Variants in UVRAG observed in about 807,000 individuals in gnomAD.
The protein encoded by UVRAG is UV radiation resistance associated, also known as UV radiation resistance-associated gene protein.
UVRAG carries 19 observed loss-of-function variants against 78.0 expected under a neutral mutation model. The ratio of observed to expected loss-of-function variants is 0.24; its 90% CI spans 0.17 to 0.36. UVRAG has a LOEUF of 0.36. Among genes scored for constraint, UVRAG ranks in the 10% least tolerant of loss-of-function variants. The probability of loss-of-function intolerance (pLI) is 1.00; values close to 1 mark genes in which losing one functional copy is unlikely to be tolerated. For missense variants in UVRAG, 740 were observed against 853.8 expected, an observed-to-expected ratio of 0.87 and a Z score of 1.66; for synonymous variants, 323 against 324.6, an observed-to-expected ratio of 1.00 and a Z score of 0.05.
intron 2 of UVRAG, among the ~76,000 whole-genome samples, chr11:75,861,247 G>A (rs528487066): frequency 6.6e-6 from 1 of 152,308 alleles, no homozygotes; most frequent in South Asian, 2.1e-4. Context: ...AGTGACAGAG[G>A]TAGAAGTAGG....
At chr11:75,990,898 GAA>G (rs900222892) in intron 8 of UVRAG, among the ~76,000 whole-genome samples, 11 of 152,180 alleles carry the variant, frequency 7.2e-5, no homozygotes, top group African/African-American at 2.7e-4. Context: ...AGTACACATA[GAA>G]TAAATATTTG....
At chr11:76,140,241 T>C (rs944268828) in intron 14 of UVRAG, among the ~76,000 whole-genome samples, 39 of 151,362 alleles carry the variant, frequency 2.6e-4, no homozygotes, top group Non-Finnish European at 3.8e-4. Context: ...ACTGCCTCAC[T>C]GAGCATGGGC....
In UVRAG at chr11:76,075,611, C is replaced by CAA. The variant is rs879475858; in HGVS notation, c.1305+9836_1305+9837dup. Among the ~76,000 whole-genome samples the CAA allele has an allele frequency of 6.5e-3, 875 of 134,124 alleles. 9 individuals are homozygous for CAA. The highest frequency in any genetic ancestry group is 0.023 in the African/African-American group (831 of 36,706). 88.0% of individuals were successfully genotyped at this position (134,124 alleles called of 152,430 possible). A position where few individuals can be genotyped will look rare whatever the true frequency, so the allele number is the denominator to read the frequency against. The stretch of plus-strand genomic sequence containing the variant: ...TAGGCAATAGAACAAGACTGTGTCT[C>CAA]AAAAAAAAAAAAAAGTATATAGTTC... On this transcript the variant is annotated intron_variant, in intron 13 of 14. Transcript: ENST00000356136.
At chr11:75,892,848 G>C (rs1254410117) in intron 5 of UVRAG, among the ~76,000 whole-genome samples, 1 of 152,146 alleles carries the variant, frequency 6.6e-6, no homozygotes, top group Non-Finnish European at 1.5e-5. Flanking sequence ...TCAGCACCAA[G>C]CAAGAAGCAA....
intron 11 of UVRAG, among the ~76,000 whole-genome samples, chr11:76,014,628 A>G (rs947148004): frequency 6.6e-6 from 1 of 152,226 alleles, no homozygotes; most frequent in Non-Finnish European, 1.5e-5. Flanking sequence ...CCACACCTGT[A>G]TAGGTATTCT....
At chr11:75,983,690 G>A in intron 8 of UVRAG, 177 bp downstream of exon 8, 1 of 885,714 alleles carries the variant, frequency 1.1e-6, no homozygotes, top group Non-Finnish European at 1.6e-6. Context: ...TGCCATCATA[G>A]AGTATGTTTA....
At chr11:75,957,646 A>G (rs1948827419) in intron 6 of UVRAG, among the ~76,000 whole-genome samples, 1 of 152,206 alleles carries the variant, frequency 6.6e-6, no homozygotes, top group Non-Finnish European at 1.5e-5. Context: ...CAACTTAACA[A>G]TATAGAATCT....
In UVRAG at chr11:76,003,257, A is replaced by ATTTTTTTTTTTTTT. The variant is rs398045280; in HGVS notation, c.827-730_827-717dup. Among the ~76,000 whole-genome samples, 12 of 53,786 alleles carry ATTTTTTTTTTTTTT rather than the reference A, an allele frequency of 2.2e-4. 2 individuals carry two copies. Among genetic ancestry groups the ATTTTTTTTTTTTTT allele is most frequent in the African/African-American group, 9.3e-4 (12 of 12,898 alleles). 35.3% of individuals were successfully genotyped at this position (53,786 alleles called of 152,430 possible). The stretch of plus-strand genomic sequence containing the variant: ...CACTATGATTTTCACGAAAATACTG[A>ATTTTTTTTTTTTTT]TTTTTTTTTTTTTTTTTTTTTTTTT... On this transcript the variant is annotated intron_variant, in intron 8 of 14. Transcript: ENST00000356136.
intron 12 of UVRAG, among the ~76,000 whole-genome samples, chr11:76,055,529 T>C (rs1265905683): frequency 3.9e-5 from 6 of 152,168 alleles, no homozygotes; most frequent in Non-Finnish European, 5.9e-5. Flanking sequence ...TTATTGTATC[T>C]TTCCATTTAT....
chr11:76,007,654 T>C, intron 10 of UVRAG, 33 bp downstream of exon 10: 1 of 1,556,200 alleles, frequency 6.4e-7, no homozygotes, highest in Non-Finnish European at 8.8e-7. Context: ...ATATTTTTCG[T>C]TTTGAAAAGA....
At chr11:75,992,592 G>A (rs1640114883) in intron 8 of UVRAG, among the ~76,000 whole-genome samples, 1 of 152,148 alleles carries the variant, frequency 6.6e-6, no homozygotes, top group South Asian at 2.1e-4. Context: ...GTGGGAAAGA[G>A]GGGGATGGCT....
chr11:75,860,224 C>T (rs575601062), intron 2 of UVRAG, among the ~76,000 whole-genome samples: 102 of 152,334 alleles, frequency 6.7e-4, no homozygotes, highest in African/African-American at 1.5e-3. Flanking sequence ...GGATTACAGG[C>T]GTGAGCCACC....
chr11:75,983,787 T>C, intron 8 of UVRAG: 1 of 283,614 alleles, frequency 3.5e-6, no homozygotes, highest in East Asian at 6.2e-5. Context: ...CTGAATACTG[T>C]AGGCAACTAT....
At chr11:76,108,672 T>C (rs1952015523) in intron 13 of UVRAG, among the ~76,000 whole-genome samples, 1 of 152,218 alleles carries the variant, frequency 6.6e-6, no homozygotes, top group Non-Finnish European at 1.5e-5. Flanking sequence ...GTTAATGGAA[T>C]TGACATGGCC....
intron 2 of UVRAG, among the ~76,000 whole-genome samples, chr11:75,852,530 G>A (rs2060418498): frequency 6.6e-6 from 1 of 152,152 alleles, no homozygotes. Context: ...CCTTCAGAAT[G>A]CATATTAGAT....
intron 13 of UVRAG, among the ~76,000 whole-genome samples, chr11:76,113,434 A>C (rs1952118986): frequency 6.6e-6 from 1 of 152,212 alleles, no homozygotes; most frequent in Admixed American, 6.5e-5. Flanking sequence ...AGGGAGAATA[A>C]GAAATCTTAA....
At chr11:76,036,532 C>A (rs529519518) in intron 12 of UVRAG, among the ~76,000 whole-genome samples, 3 of 151,828 alleles carry the variant, frequency 2.0e-5, no homozygotes, top group African/African-American at 2.4e-5. Flanking sequence ...TAGAGTGAGA[C>A]CCTGTCTCAA....
intron 4 of UVRAG, among the ~76,000 whole-genome samples, chr11:75,880,928 CTTTTTTTTT>C (rs773034018): frequency 3.2e-4 from 28 of 87,708 alleles, no homozygotes; most frequent in Admixed American, 1.0e-3. Context: ...TTATTTACTT[CTTTTTTTTT>C]TTTTTTTTTT....
At chr11:75,870,912 C>G (rs1228852757) in intron 3 of UVRAG, among the ~76,000 whole-genome samples, 1 of 151,920 alleles carries the variant, frequency 6.6e-6, no homozygotes, top group Non-Finnish European at 1.5e-5. Context: ...TCTTGTTGCC[C>G]AGGCTGGAGT....
Sources: gnomAD v4.1 joint callset for allele counts (sites outside exome capture counted in the v4.1 genomes callset) on GRCh38, gnomAD v4.1.1 for gene constraint, MANE v1.5 for transcripts, NCBI Gene and HGNC (gene_info 2026-07-23, HGNC 2026-07-21) for gene names.